Variants in CLSTN1 observed in about 807,000 individuals in gnomAD.
CLSTN1 encodes the protein calsyntenin-1.
In CLSTN1, 28 loss-of-function variants were observed where a neutral mutation model predicts 108.3. That is an observed-to-expected ratio of 0.26 (90% CI 0.19 to 0.35). CLSTN1 has a LOEUF of 0.35. CLSTN1 is among the 10% of genes least tolerant of loss of function. The pLI is 1.00. For missense variants in CLSTN1, 1,157 were observed against 1,302.6 expected (o/e 0.89, Z 1.72); for synonymous variants, 524 against 534.9 (o/e 0.98, Z 0.28).
intron 2 of CLSTN1, among the ~76,000 whole-genome samples, chr1:9,768,126 C>CG (rs1233798394): frequency 4.6e-5 from 7 of 152,162 alleles, no homozygotes; most frequent in African/African-American, 1.7e-4. Context: ...ACTGGTCCCT[C>CG]GGCTCTAGGG....
At chr1:9,781,537 G>A (rs750609442) in intron 1 of CLSTN1, among the ~76,000 whole-genome samples, 4 of 151,096 alleles carry the variant, frequency 2.6e-5, no homozygotes, top group South Asian at 2.1e-4. Flanking sequence ...TCTGCCTCCC[G>A]GGTTCAAGCG....
chr1:9,814,150 T>A (rs1654879309), intron 1 of CLSTN1, among the ~76,000 whole-genome samples: 1 of 149,880 alleles, frequency 6.7e-6, no homozygotes. Context: ...TGGCTCATGC[T>A]TGTAATCCTA....
In CLSTN1 at chr1:9,743,936, G is replaced by A. The variant is rs141634052; in HGVS notation, c.1304C>T (p.Pro435Leu). 1.1e-4 allele frequency: 180 copies of A among 1,614,040 alleles called. No homozygotes were observed. The highest frequency in any genetic ancestry group is 1.5e-4 in the Non-Finnish European group (173 of 1,180,036). ...CRLIFLFRQDPSEEKKYRPAE... is the reference protein window; with the variant it reads ...CRLIFLFRQDLSEEKKYRPAE... ...AGGTCTGTATTTCTTCTCCTCAGAA[G>A]GATCCTGACGGAAGAGGAAGATCAG... The change falls in exon 9 of 19, where the codon CCT becomes CTT. Residue 435 changes from proline (P) to leucine (L), a missense_variant. Coordinates refer to ENST00000377298, the MANE Select transcript of CLSTN1 (RefSeq NM_001009566.3).
intron 12 of CLSTN1, 80 bp from the exon 13 acceptor site, chr1:9,735,695 G>T: frequency 6.3e-7 from 1 of 1,578,208 alleles, no homozygotes; most frequent in Non-Finnish European, 8.7e-7. Flanking sequence ...CTCCACAAAG[G>T]GGACTGGCCT....
intron 1 of CLSTN1, among the ~76,000 whole-genome samples, chr1:9,808,459 G>A (rs191469477): frequency 3.2e-4 from 49 of 152,242 alleles, no homozygotes; most frequent in Middle Eastern, 6.8e-3. Flanking sequence ...AAATTTCCAC[G>A]GGGAAGATAC....
chr1:9,795,021 GAAAAAAAAA>G (rs59646404), intron 1 of CLSTN1, among the ~76,000 whole-genome samples: 1 of 127,728 alleles, frequency 7.8e-6, no homozygotes, highest in African/African-American at 2.6e-5. Context: ...AGGCTAATCA[GAAAAAAAAA>G]AAAGAAAAAA....
chr1:9,807,245 G>A (rs1001669425), intron 1 of CLSTN1, among the ~76,000 whole-genome samples: 1 of 151,978 alleles, frequency 6.6e-6, no homozygotes, highest in Non-Finnish European at 1.5e-5. Context: ...ACCTGTCCAC[G>A]TCACACACCT....
At chr1:9,757,292 A>G (rs1399400989) in intron 2 of CLSTN1, among the ~76,000 whole-genome samples, 2 of 146,874 alleles carry the variant, frequency 1.4e-5, no homozygotes, top group African/African-American at 5.0e-5. Flanking sequence ...CCCAGACTGG[A>G]GTGCAGTGGC....
At chr1:9,822,699 AC>A (rs1655235074) in intron 1 of CLSTN1, among the ~76,000 whole-genome samples, 1 of 152,234 alleles carries the variant, frequency 6.6e-6, no homozygotes, top group Non-Finnish European at 1.5e-5. Flanking sequence ...CGTTGGCAAG[AC>A]CAGTCAATAG....
At chr1:9,758,922 C>T (rs530694746) in intron 2 of CLSTN1, among the ~76,000 whole-genome samples, 1 of 152,242 alleles carries the variant, frequency 6.6e-6, no homozygotes, top group African/African-American at 2.4e-5. Flanking sequence ...GCCTGTGCTG[C>T]CTAACATGGC....
intron 12 of CLSTN1, 88 bp downstream of exon 12, chr1:9,735,797 C>G: frequency 6.5e-7 from 1 of 1,539,684 alleles, no homozygotes; most frequent in Non-Finnish European, 8.9e-7. Context: ...GTATCAATCA[C>G]AGATTACTCA....
chr1:9,733,392 T>G lies in CLSTN1; in HGVS notation c.2427+9A>C, dbSNP rs568960167. 4 of 1,614,170 alleles carry G rather than the reference T, an allele frequency of 2.5e-6. No homozygotes were observed. The East Asian group carries it at 8.9e-5, about 36-fold the overall frequency. ...TATTGGCCCTGCTCAGTGGGAGCCT[T>G]GTACTCACCTCCACCTTAAATTCGT... On this transcript the variant is annotated intron_variant, in intron 16 of 18. Coordinates refer to ENST00000377298, the MANE Select transcript of CLSTN1 (RefSeq NM_001009566.3).
At chr1:9,745,600 T>C (rs1651219586) in intron 7 of CLSTN1, among the ~76,000 whole-genome samples, 2 of 151,948 alleles carry the variant, frequency 1.3e-5, no homozygotes, top group African/African-American at 4.8e-5. Flanking sequence ...GAGGCTGCAG[T>C]GAGCTGTGAC....
At position 9,751,499 on chromosome 1, in the gene CLSTN1, T is replaced by A. The variant is rs201695495; in HGVS notation, c.623A>T (p.Asp208Val). Reference sequence around the variant, plus strand: ...ATCTTTGTCAACAGTAAAGGGCACGTCTGGAGTGATGATTTCGTAGCTGCA... The same window carrying A: ...ATCTTTGTCAACAGTAAAGGGCACGACTGGAGTGATGATTTCGTAGCTGCA... ...QICSYEIITP[D>V]VPFTVDKDGY... The change falls in exon 5 of 19, where the codon GAC (aspartate) becomes GTC (valine). Residue 208 changes from aspartate (D) to valine (V), a missense_variant. Coordinates refer to ENST00000377298, the MANE Select transcript of CLSTN1 (RefSeq NM_001009566.3). 9.9e-6 allele frequency: 16 copies of A among 1,614,052 alleles called. No individual in the cohort carries two copies. In the African/African-American group the frequency reaches 2.0e-4, roughly 20 times the overall value.
chr1:9,743,502 T>C (rs1488065416), intron 9 of CLSTN1, among the ~76,000 whole-genome samples: 3 of 152,306 alleles, frequency 2.0e-5, no homozygotes, highest in Admixed American at 1.3e-4. Flanking sequence ...CAGCCATCCA[T>C]GTGCAAGGTT....
In CLSTN1 at chr1:9,820,628, G is replaced by T. The variant is rs142799402; in HGVS notation, c.91+3015C>A. On this transcript the variant is annotated intron_variant, in intron 1 of 18. Transcript: ENST00000377298. ...GAAAATTAGGATGCAAAGCTACTAC[G>T]CTGTCTAAACTGAAATGCTGTTATC... 3.2e-4 allele frequency among the ~76,000 whole-genome samples: 49 copies of T among 152,210 alleles called. 1 individual carries two copies. The East Asian group carries it at 9.1e-3, about 28-fold the overall frequency.
At chr1:9,776,668 G>C (rs965828212) in intron 1 of CLSTN1, among the ~76,000 whole-genome samples, 1 of 152,078 alleles carries the variant, frequency 6.6e-6, no homozygotes, top group Admixed American at 6.6e-5. Flanking sequence ...CTACAACAAT[G>C]GGTCTTCAAC....
At chr1:9,788,150 G>A (rs549094222) in intron 1 of CLSTN1, among the ~76,000 whole-genome samples, 8 of 151,630 alleles carry the variant, frequency 5.3e-5, no homozygotes, top group African/African-American at 1.7e-4. Flanking sequence ...CGCCTACTTG[G>A]GAGGGTGAGG....
intron 7 of CLSTN1, among the ~76,000 whole-genome samples, chr1:9,745,765 GT>G (rs778360021): frequency 0.087 from 8,788 of 100,876 alleles, 206 homozygotes; most frequent in African/African-American, 0.29. Flanking sequence ...CTGAATAGTT[GT>G]TTTTTTTTTT....
Sources: gnomAD v4.1 joint callset for allele counts (sites outside exome capture counted in the v4.1 genomes callset) on GRCh38, gnomAD v4.1.1 for gene constraint, MANE v1.5 for transcripts, NCBI Gene and HGNC (gene_info 2026-07-23, HGNC 2026-07-21) for gene names.